Variants in GULP1 observed in about 807,000 individuals in gnomAD.
GULP1 encodes GULP PTB domain containing engulfment adaptor 1, also known as PTB domain-containing engulfment adapter protein 1.
GULP1 carries 19 observed loss-of-function variants against 40.9 expected under a neutral mutation model. The ratio of observed to expected loss-of-function variants is 0.46; its 90% CI spans 0.32 to 0.68. The LOEUF (loss-of-function observed/expected upper bound fraction) is 0.68. Ranked by LOEUF, GULP1 falls within the 30% of genes least tolerant of loss-of-function variation. The pLI is 0.03. For synonymous variants in GULP1, 119 were observed against 117.6 expected, an observed-to-expected ratio of 1.01 and a Z score of -0.08; for missense variants, 312 against 362.2, an observed-to-expected ratio of 0.86 and a Z score of 1.12.
chr2:188,347,769 A>G (rs1004001196), intron 1 of GULP1, among the ~76,000 whole-genome samples: 2 of 152,076 alleles, frequency 1.3e-5, no homozygotes, highest in African/African-American at 4.8e-5. Context: ...ACATGCCACC[A>G]CGCCCAACTA....
chr2:188,501,661 A>G (rs2063447051), intron 4 of GULP1, among the ~76,000 whole-genome samples: 1 of 151,926 alleles, frequency 6.6e-6, no homozygotes, highest in Non-Finnish European at 1.5e-5. Flanking sequence ...CGCGTCTTAG[A>G]GTAGGTTGAA....
intron 6 of GULP1, among the ~76,000 whole-genome samples, chr2:188,530,210 A>T (rs1687194906): frequency 6.6e-6 from 1 of 152,186 alleles, no homozygotes; most frequent in Admixed American, 6.5e-5. Context: ...ACCCTAGGTG[A>T]ATGGCCTCAT....
intron 1 of GULP1, among the ~76,000 whole-genome samples, chr2:188,296,356 T>G (rs894974738): frequency 6.6e-6 from 1 of 151,922 alleles, no homozygotes; most frequent in Non-Finnish European, 1.5e-5. Context: ...ATGCTTATAC[T>G]GTTTTCAGGC....
At chr2:188,500,917 A>G (rs986293330) in intron 4 of GULP1, among the ~76,000 whole-genome samples, 2 of 151,914 alleles carry the variant, frequency 1.3e-5, no homozygotes, top group Admixed American at 6.6e-5. Flanking sequence ...TATCAACTCT[A>G]TTAGTACTTT....
chr2:188,559,154 C>T (rs532927874), intron 7 of GULP1, among the ~76,000 whole-genome samples: 5 of 152,312 alleles, frequency 3.3e-5, no homozygotes, highest in East Asian at 1.9e-4. Context: ...TCACAGGCCC[C>T]GAGGCCTAGG....
At chr2:188,412,316 G>A (rs904263610) in intron 2 of GULP1, among the ~76,000 whole-genome samples, 17 of 151,996 alleles carry the variant, frequency 1.1e-4, no homozygotes, top group African/African-American at 3.4e-4. Flanking sequence ...TACCTCCCAC[G>A]GGTAATTTAA....
intron 1 of GULP1, among the ~76,000 whole-genome samples, chr2:188,371,011 C>A (rs1367818398): frequency 6.6e-6 from 1 of 151,986 alleles, no homozygotes; most frequent in African/African-American, 2.4e-5. Context: ...TTACTATTTC[C>A]CAGGCACAAA....
At chr2:188,577,727 C>T (rs925614442) in intron 9 of GULP1, among the ~76,000 whole-genome samples, 2 of 151,966 alleles carry the variant, frequency 1.3e-5, no homozygotes, top group African/African-American at 4.8e-5. Context: ...CAGTATAAAC[C>T]AACTGCAGAC....
At chr2:188,417,338 C>A (rs550382218) in intron 2 of GULP1, among the ~76,000 whole-genome samples, 23 of 152,244 alleles carry the variant, frequency 1.5e-4, no homozygotes, top group Admixed American at 1.5e-3. Flanking sequence ...TGCATTACCC[C>A]AAAGTTTCTT....
intron 2 of GULP1, among the ~76,000 whole-genome samples, chr2:188,461,287 A>T (rs957277850): frequency 2.1e-5 from 3 of 143,676 alleles, no homozygotes; most frequent in African/African-American, 7.7e-5. Flanking sequence ...CAGTGAAGCC[A>T]TTGGGTCCTG....
At chr2:188,534,615 A>C (rs1306237330) in intron 6 of GULP1, among the ~76,000 whole-genome samples, 1 of 152,122 alleles carries the variant, frequency 6.6e-6, no homozygotes, top group African/African-American at 2.4e-5. Context: ...ACAAACCTGA[A>C]CATGCACCCC....
intron 7 of GULP1, among the ~76,000 whole-genome samples, chr2:188,547,533 G>C (rs7600043): frequency 1.3e-5 from 2 of 151,982 alleles, no homozygotes; most frequent in African/African-American, 4.8e-5. Context: ...AAAGATGTAG[G>C]CTGGGAGGTT....
In GULP1 at chr2:188,292,865, C is replaced by T. The variant is rs1268547954; in HGVS notation, c.-172+699C>T. The T allele has an allele frequency of 6.5e-6, 1 of 152,754 alleles. No homozygotes were observed. The highest frequency in any genetic ancestry group is 1.5e-5 in the Non-Finnish European group (1 of 68,528). The allele number at this position is 152,754 out of a possible 1,614,324, so 9.5% of individuals were successfully genotyped here. ...GCAAGGCGCGGCGGGGGTGATGAGC[C>T]CTTGGGTTCTCGCTCCGACTGCTAA... On this transcript the variant is annotated intron_variant, in intron 1 of 11. Transcript: ENST00000409830. This position sits in a 1 kb window ranked among gnomAD's most constrained non-coding sequence, Gnocchi z 4.0.
chr2:188,371,488 C>T (rs1161347524), intron 1 of GULP1, among the ~76,000 whole-genome samples: 1 of 152,072 alleles, frequency 6.6e-6, no homozygotes, highest in African/African-American at 2.4e-5. Context: ...CTGACCTTGG[C>T]TGTGGTGCTA....
At chr2:188,310,251 C>T (rs73034500) in intron 1 of GULP1, among the ~76,000 whole-genome samples, 12,155 of 152,132 alleles carry the variant, frequency 0.08, 970 homozygotes, top group African/African-American at 0.19. Context: ...CTTATAAAAC[C>T]TCACAGCTTT....
intron 7 of GULP1, among the ~76,000 whole-genome samples, chr2:188,552,911 A>C (rs115064507): frequency 0.16 from 23,862 of 150,062 alleles, 2,224 homozygotes; most frequent in Non-Finnish European, 0.22. Flanking sequence ...ATCTCTCTCT[A>C]TATATATACG....
intron 4 of GULP1, among the ~76,000 whole-genome samples, chr2:188,487,676 G>A (rs562776609): frequency 6.6e-6 from 1 of 151,900 alleles, no homozygotes; most frequent in Non-Finnish European, 1.5e-5. Flanking sequence ...CCATGTCAGG[G>A]AGTTTTACAA....
intron 5 of GULP1, among the ~76,000 whole-genome samples, chr2:188,525,312 A>AG (rs1353024534): frequency 6.6e-6 from 1 of 152,062 alleles, no homozygotes; most frequent in Non-Finnish European, 1.5e-5. Context: ...AATCACTTGA[A>AG]CCTGGGAAGC....
At chr2:188,499,133 G>GTA (rs778858143) in intron 4 of GULP1, among the ~76,000 whole-genome samples, 7,972 of 120,084 alleles carry the variant, frequency 0.066, 290 homozygotes, top group Non-Finnish European at 0.077. Flanking sequence ...ATATATGTGT[G>GTA]TGTATATATA....
Sources: gnomAD v4.1 joint callset for allele counts (sites outside exome capture counted in the v4.1 genomes callset) on GRCh38, gnomAD v4.1.1 for gene constraint, Gnocchi (gnomAD v3.1) non-coding constraint, MANE v1.5 for transcripts, NCBI Gene and HGNC (gene_info 2026-07-23, HGNC 2026-07-21) for gene names.